The following TBC1D22A variants were observed in gnomAD, a reference collection of about 807,000 sequenced individuals.
TBC1D22A encodes putative GTPase activator.
In TBC1D22A, 38 loss-of-function variants were observed where a neutral mutation model predicts 60.2. That is an observed-to-expected ratio of 0.63 (90% CI 0.49 to 0.83). The LOEUF (loss-of-function observed/expected upper bound fraction) is 0.83, where lower values mean the gene tolerates loss of function less well. Ranked by LOEUF, TBC1D22A falls within the 40% of genes least tolerant of loss-of-function variation. The pLI, the probability that TBC1D22A is intolerant of heterozygous loss-of-function variation, is 0.00. For missense variants in TBC1D22A, 628 were observed against 701.0 expected, an observed-to-expected ratio of 0.90 and a Z score of 1.18; for synonymous variants, 302 against 281.7, an observed-to-expected ratio of 1.07 and a Z score of -0.72.
intron 10 of TBC1D22A, among the ~76,000 whole-genome samples, chr22:47,000,256 C>G (rs909912577): frequency 2.0e-5 from 3 of 151,962 alleles, no homozygotes; most frequent in Non-Finnish European, 4.4e-5. Context: ...AAGGGCTCAT[C>G]AGGAGCGAGC....
chr22:47,110,377 A>G (rs1319085883), intron 11 of TBC1D22A, among the ~76,000 whole-genome samples: 1 of 152,114 alleles, frequency 6.6e-6, no homozygotes, highest in Non-Finnish European at 1.5e-5. Context: ...TACTCGGGAG[A>G]CTGAGACAGG....
At chr22:47,079,117 T>A (rs1370453430) in intron 11 of TBC1D22A, among the ~76,000 whole-genome samples, 1 of 147,900 alleles carries the variant, frequency 6.8e-6, no homozygotes, top group East Asian at 2.0e-4. Context: ...GACAAGGTCT[T>A]ACTCTGTCAC....
chr22:46,879,480 G>T (rs2067742077), intron 5 of TBC1D22A, among the ~76,000 whole-genome samples: 1 of 152,108 alleles, frequency 6.6e-6, no homozygotes, highest in South Asian at 2.1e-4. Context: ...ACTCTAAACT[G>T]GGTCTGACTT....
At chr22:46,846,051 CATCT>C (rs1303887016) in intron 4 of TBC1D22A, among the ~76,000 whole-genome samples, 1 of 152,206 alleles carries the variant, frequency 6.6e-6, no homozygotes, top group Admixed American at 6.5e-5. Flanking sequence ...TTTAGACATC[CATCT>C]GTCTGGGACA....
rs560307372 is a variant in TBC1D22A at position 46,777,864 on chromosome 22, A to G, written c.63-14656A>G. On this transcript the variant is annotated intron_variant, in intron 1 of 12. Coordinates refer to ENST00000337137, the MANE Select transcript of TBC1D22A (RefSeq NM_014346.5). This position sits in a 1 kb window ranked among gnomAD's most constrained non-coding sequence, Gnocchi z 4.5. ...CTTAGGTGATTTGGTCCCTGTGTGA[A>G]CATCACAGAGCACATTTATACAAAC... 7.9e-5 allele frequency among the ~76,000 whole-genome samples: 12 copies of G among 152,204 alleles called. No homozygotes were observed. Among genetic ancestry groups the G allele is most frequent in the Non-Finnish European group, 1.2e-4 (8 of 68,032 alleles).
intron 1 of TBC1D22A, 41 bp from the exon 2 acceptor site, chr22:46,792,479 C>T (rs563930755): frequency 4.5e-5 from 72 of 1,613,790 alleles, no homozygotes; most frequent in Admixed American, 8.3e-5. Flanking sequence ...CTTGGGAAGG[C>T]AGGAGAGAGG....
chr22:46,974,453 G>T, intron 9 of TBC1D22A, 54 bp downstream of exon 9: 1 of 1,453,228 alleles, frequency 6.9e-7, no homozygotes, highest in South Asian at 1.2e-5. Context: ...CTGCGGTGAA[G>T]AGAGCCTGAG....
At chr22:47,037,326 G>T in intron 11 of TBC1D22A, 128 bp downstream of exon 11, 1 of 1,351,758 alleles carries the variant, frequency 7.4e-7, no homozygotes, top group South Asian at 1.3e-5. Flanking sequence ...ATTGAAATGC[G>T]GTCTTTAAAA....
intron 11 of TBC1D22A, among the ~76,000 whole-genome samples, chr22:47,096,745 C>T (rs570884437): frequency 3.1e-4 from 47 of 152,244 alleles, no homozygotes; most frequent in African/African-American, 1.0e-3. Flanking sequence ...TTGCTTGAAC[C>T]TGGGAGGTGG....
chr22:46,860,030 AC>A (rs2087778863), intron 4 of TBC1D22A, among the ~76,000 whole-genome samples: 1 of 21,846 alleles, frequency 4.6e-5, no homozygotes, highest in Non-Finnish European at 7.2e-5. Flanking sequence ...CCTTCCTGGG[AC>A]CAGAATCCTT....
At chr22:46,868,116 A>C (rs921516957) in intron 4 of TBC1D22A, among the ~76,000 whole-genome samples, 1 of 152,194 alleles carries the variant, frequency 6.6e-6, no homozygotes, top group Non-Finnish European at 1.5e-5. Flanking sequence ...CTCTGAACGC[A>C]GTTTTTTCAC....
chr22:46,916,203 G>A (rs1031195526), intron 8 of TBC1D22A, among the ~76,000 whole-genome samples: 2 of 152,176 alleles, frequency 1.3e-5, no homozygotes, highest in Non-Finnish European at 2.9e-5. Flanking sequence ...CAGACCAGTC[G>A]ACTAGGTGAA....
At chr22:47,127,723 CT>C (rs1220005062) in intron 12 of TBC1D22A, among the ~76,000 whole-genome samples, 1 of 152,046 alleles carries the variant, frequency 6.6e-6, no homozygotes, top group African/African-American at 2.4e-5. Context: ...GCACTGAGCA[CT>C]TTTCCCAGGT....
chr22:46,825,504 C>G (rs913088870), intron 4 of TBC1D22A, among the ~76,000 whole-genome samples: 4 of 152,232 alleles, frequency 2.6e-5, no homozygotes, highest in Non-Finnish European at 5.9e-5. Flanking sequence ...GACAGAGTCT[C>G]ACTCTATCAC....
At chr22:47,018,496 G>A (rs1330153931) in intron 10 of TBC1D22A, among the ~76,000 whole-genome samples, 1 of 152,124 alleles carries the variant, frequency 6.6e-6, no homozygotes, top group Non-Finnish European at 1.5e-5. Context: ...CGGCTCGGCT[G>A]TCCTGCCTCT....
chr22:46,786,771 C>G (rs952223888), intron 1 of TBC1D22A, among the ~76,000 whole-genome samples: 2 of 152,262 alleles, frequency 1.3e-5, no homozygotes, highest in Middle Eastern at 3.4e-3. Context: ...TCACTGTAAC[C>G]TCAAATTCCT....
Position 46,891,349 on chromosome 22 carries a change from T to C in TBC1D22A, c.792T>C (p.Tyr264=), listed in dbSNP as rs762381907. 2 of 1,613,362 alleles carry C rather than the reference T, an allele frequency of 1.2e-6. No homozygotes were observed. The highest frequency in any genetic ancestry group is 1.7e-6 in the Non-Finnish European group (2 of 1,179,784). The part of the protein sequence containing the change: ...QKEYFAFIEH[Y]YDSRNDEVHQ... ...AATATTTTGCATTTATTGAGCACTA[T>C]TACGATTCTAGGAACGACGAAGTTC... Residue 264 remains tyrosine, a synonymous_variant, in exon 6 of 13, where the codon TAT becomes TAC. Transcript: ENST00000337137.
At chr22:46,830,957 C>G (rs958621958) in intron 4 of TBC1D22A, among the ~76,000 whole-genome samples, 1 of 152,022 alleles carries the variant, frequency 6.6e-6, no homozygotes, top group Non-Finnish European at 1.5e-5. Flanking sequence ...GTCAGAGAAT[C>G]TAGTGACTGG....
chr22:46,790,902 A>G (rs1430646766), intron 1 of TBC1D22A, among the ~76,000 whole-genome samples: 1 of 152,152 alleles, frequency 6.6e-6, no homozygotes, highest in African/African-American at 2.4e-5. Flanking sequence ...AAATATCTTT[A>G]TTACTTTTTT....
Sources: gnomAD v4.1 joint callset for allele counts (sites outside exome capture counted in the v4.1 genomes callset) on GRCh38, gnomAD v4.1.1 for gene constraint, Gnocchi (gnomAD v3.1) non-coding constraint, MANE v1.5 for transcripts, NCBI Gene and HGNC (gene_info 2026-07-23, HGNC 2026-07-21) for gene names.